AVEN: variants seen among roughly 807,000 people sequenced by gnomAD.
AVEN encodes cell death regulator Aven.
A neutral mutation model predicts 38.1 loss-of-function variants in AVEN; 41 were observed. The ratio of observed to expected loss-of-function variants is 1.08; its 90% CI spans 0.84 to 1.40. The LOEUF (loss-of-function observed/expected upper bound fraction) is 1.40. AVEN is among the 40% of genes most tolerant of loss of function. The pLI, the probability that AVEN is intolerant of heterozygous loss-of-function variation, is 0.00. For missense variants in AVEN, 605 were observed against 438.8 expected, an observed-to-expected ratio of 1.38 and a Z score of -3.38; for synonymous variants, 206 against 171.8, an observed-to-expected ratio of 1.20 and a Z score of -1.56.
upstream of AVEN, among the ~76,000 whole-genome samples, chr15:34,075,280 T>C (rs1900706500): frequency 6.6e-6 from 1 of 151,072 alleles, no homozygotes; most frequent in South Asian, 2.1e-4. Context: ...TTGGGAGGCC[T>C]CAGGAAACTT....
At chr15:34,021,224 C>T (rs767178808) in intron 1 of AVEN, among the ~76,000 whole-genome samples, 31 of 151,666 alleles carry the variant, frequency 2.0e-4, no homozygotes, top group South Asian at 4.2e-4. Flanking sequence ...TTTGCTCTGT[C>T]GCCTCCCAAG....
At chr15:33,971,054 G>C (rs897805720) in intron 2 of AVEN, among the ~76,000 whole-genome samples, 1 of 151,702 alleles carries the variant, frequency 6.6e-6, no homozygotes, top group African/African-American at 2.4e-5. Flanking sequence ...GGAATAATCT[G>C]TATTTTCTTC....
rs1221378632 is a variant in AVEN, at chr15:34,038,898, C to T, written c.149G>A (p.Arg50His). The T allele has an allele frequency of 1.8e-6, 2 of 1,123,232 alleles. No homozygotes were observed. The highest frequency in any genetic ancestry group is 1.1e-4 in the East Asian group (2 of 18,904). The allele number at this position is 1,123,232 out of a possible 1,614,324, so 69.6% of individuals were successfully genotyped here. ...GCCCCGGCCACGGCCACGGCCCCGG[C>T]GTCCGCCTCCGTCCCCGCCGCCGCC... ...GGGGGGDGGG[R>H]RGRGRGRGFR... The change falls in exon 1 of 6, where the codon CGC becomes CAC. Residue 50 changes from arginine to histidine, a missense_variant. Arg to His is a conservative substitution (Grantham distance 29). Coordinates refer to ENST00000306730, the MANE Select transcript of AVEN (RefSeq NM_020371.3).
Position 34,064,282 on chromosome 15 carries a change from A to G in AVEN, n.1127-850T>C. 8 of 1,614,014 alleles carry G rather than the reference A, an allele frequency of 5.0e-6. No homozygotes were observed. The highest frequency in any genetic ancestry group is 6.8e-6 in the Non-Finnish European group (8 of 1,179,958). ...TGGAAAAAGAAAAAAGTGGAAGAGA[A>G]GTTGTACTGGCAGGGGAACAGCAAG... On this transcript the variant is annotated intron_variant and non_coding_transcript_variant, in intron 4 of 11. Coordinates refer to the AVEN transcript ENST00000675287.
At chr15:34,058,241 A>T (rs1439215401) in intron 5 of AVEN, among the ~76,000 whole-genome samples, 2 of 152,188 alleles carry the variant, frequency 1.3e-5, no homozygotes, top group Non-Finnish European at 2.9e-5. Flanking sequence ...TCGCAGCAAT[A>T]TCTAGACTGG....
chr15:33,901,642 A>G (rs567573481), intron 2 of AVEN, among the ~76,000 whole-genome samples: 60 of 152,336 alleles, frequency 3.9e-4, no homozygotes, highest in African/African-American at 1.3e-3. Flanking sequence ...ACAGTGTGCC[A>G]GGGTTCCCTT....
chr15:33,861,465 C>T (rs1888180937), downstream of AVEN, among the ~76,000 whole-genome samples: 2 of 146,522 alleles, frequency 1.4e-5, no homozygotes, highest in Non-Finnish European at 3.0e-5. Flanking sequence ...CTTCTTCTAT[C>T]ACCATATAAA....
At position 34,011,379 on chromosome 15, in the gene AVEN, AATAAG is replaced by A. The variant is rs560987694; in HGVS notation, c.268-8175_268-8171del. On this transcript the variant is annotated intron_variant, in intron 1 of 5. Transcript: ENST00000306730. ...TAAATAAAATATATGTTGTATATTA[AATAAG>A]ATATGCATGATCATATTTGAAAAAA... is the stretch of plus-strand genomic sequence containing the variant. Among the ~76,000 whole-genome samples the A allele has an allele frequency of 1.8e-4, 28 of 152,350 alleles. 1 individual carries two copies. In the East Asian group the frequency reaches 4.2e-3, roughly 23 times the overall value.
At chr15:34,060,575 G>C (rs1597394288) in intron 5 of AVEN, among the ~76,000 whole-genome samples, 1 of 152,132 alleles carries the variant, frequency 6.6e-6, no homozygotes, top group Non-Finnish European at 1.5e-5. Flanking sequence ...GGTATTTTAA[G>C]GGTCATCAAA....
intron 2 of AVEN, among the ~76,000 whole-genome samples, chr15:33,928,672 T>G (rs1281529908): frequency 4.6e-5 from 7 of 152,118 alleles, no homozygotes. Flanking sequence ...GATTGCCACA[T>G]GAACCCAGAA....
chr15:34,048,959 C>G (rs1302978263), intron 5 of AVEN, among the ~76,000 whole-genome samples: 1 of 152,190 alleles, frequency 6.6e-6, no homozygotes, highest in Non-Finnish European at 1.5e-5. Context: ...TGCAGCAGCC[C>G]TGTGGAAGAG....
chr15:34,034,527 T>C (rs1899027424), intron 1 of AVEN, among the ~76,000 whole-genome samples: 1 of 152,190 alleles, frequency 6.6e-6, no homozygotes, highest in Non-Finnish European at 1.5e-5. Flanking sequence ...TACAATATGT[T>C]GGAAATTTTA....
chr15:34,069,590 T>C (rs1900590157), intron 2 of AVEN, among the ~76,000 whole-genome samples: 1 of 152,234 alleles, frequency 6.6e-6, no homozygotes, highest in South Asian at 2.1e-4. Context: ...TCAGGAGGCA[T>C]ATGATGTTCT....
chr15:33,992,546 T>A (rs183585377), intron 2 of AVEN, among the ~76,000 whole-genome samples: 2 of 152,332 alleles, frequency 1.3e-5, no homozygotes, highest in Admixed American at 1.3e-4. Context: ...ATTTTTTAAT[T>A]TATAGTTCTG....
chr15:34,024,029 A>C (rs766799767), intron 1 of AVEN, among the ~76,000 whole-genome samples: 1 of 152,228 alleles, frequency 6.6e-6, no homozygotes, highest in Non-Finnish European at 1.5e-5. Context: ...AAAACCTGCT[A>C]CCAGAAAATA....
intron 5 of AVEN, among the ~76,000 whole-genome samples, chr15:34,062,479 C>T (rs1442723844): frequency 1.4e-5 from 2 of 141,554 alleles, no homozygotes; most frequent in South Asian, 2.3e-4. Context: ...GGCCTGAACC[C>T]GGGAGGCGGA....
At chr15:33,854,737 C>A, downstream of AVEN, 2 of 1,581,816 alleles carry the variant, frequency 1.3e-6, no homozygotes, top group South Asian at 1.2e-5. Flanking sequence ...GGCAAACATG[C>A]TTAAAAGTCT....
intron 2 of AVEN, chr15:33,972,172 T>C (rs149113578): frequency 6.6e-6 from 1 of 152,200 alleles, no homozygotes; most frequent in Non-Finnish European, 1.5e-5. Flanking sequence ...GTAAACATCA[T>C]GTTGGTTAAA....
intron 1 of AVEN, among the ~76,000 whole-genome samples, chr15:34,017,218 A>G (rs979617433): frequency 1.3e-5 from 2 of 152,176 alleles, no homozygotes; most frequent in Non-Finnish European, 2.9e-5. Context: ...CTGTTCACCT[A>G]TTAACAATTC....
Sources: allele counts gnomAD v4.1 joint callset (sites outside exome capture counted in the v4.1 genomes callset), GRCh38; gene constraint gnomAD v4.1.1; transcripts MANE v1.5; gene names NCBI Gene and HGNC (gene_info 2026-07-23, HGNC 2026-07-21).